The following KIF6 variants were observed in gnomAD, a reference collection of about 807,000 sequenced individuals.
KIF6 encodes kinesin family member 6, also known as kinesin-like protein KIF6.
KIF6 carries 106 observed loss-of-function variants against 112.7 expected under a neutral mutation model. That is an observed-to-expected ratio of 0.94 (90% CI 0.80 to 1.11). The LOEUF (loss-of-function observed/expected upper bound fraction) is 1.11. Ranked by LOEUF, KIF6 falls within the 50% of genes least tolerant of loss-of-function variation. The probability of loss-of-function intolerance (pLI) is 0.00; values close to 1 mark genes in which losing one functional copy is unlikely to be tolerated. For synonymous variants in KIF6, 339 were observed against 339.9 expected (o/e 1.00, Z 0.03); for missense variants, 929 against 964.0 (o/e 0.96, Z 0.48).
At chr6:39,449,458 T>C (rs940178282) in intron 13 of KIF6, among the ~76,000 whole-genome samples, 12 of 152,234 alleles carry the variant, frequency 7.9e-5, no homozygotes, top group Non-Finnish European at 1.0e-4. Context: ...TACTTGCTGC[T>C]TGTTTCACTG....
chr6:39,475,287 A>G lies in KIF6; in HGVS notation c.1646-44126T>C, dbSNP rs544938547. On this transcript the variant is annotated intron_variant, in intron 13 of 22. Transcript: ENST00000287152. ...GACACAATGAACACAGATGTATTAAATCGACTGTTAAATGCTGAACATATG... is the reference window on the plus strand; with the variant it reads ...GACACAATGAACACAGATGTATTAAGTCGACTGTTAAATGCTGAACATATG... Among the ~76,000 whole-genome samples, 12 of 152,320 alleles carry G rather than the reference A, an allele frequency of 7.9e-5. No individual in the cohort carries two copies. The South Asian group carries it at 2.5e-3, about 32-fold the overall frequency.
chr6:39,555,155 T>C (rs931862182), intron 10 of KIF6, among the ~76,000 whole-genome samples: 3 of 152,062 alleles, frequency 2.0e-5, no homozygotes, highest in Non-Finnish European at 4.4e-5. Flanking sequence ...TCCAGCCCCC[T>C]GCACCATGAA....
chr6:39,663,866 C>A (rs967952135), intron 3 of KIF6, among the ~76,000 whole-genome samples: 2 of 151,868 alleles, frequency 1.3e-5, no homozygotes, highest in African/African-American at 4.8e-5. Context: ...GCAGAGATCA[C>A]ATCACATGAG....
At chr6:39,582,755 A>G (rs1781365308) in intron 9 of KIF6, among the ~76,000 whole-genome samples, 1 of 152,150 alleles carries the variant, frequency 6.6e-6, no homozygotes, top group African/African-American at 2.4e-5. Context: ...GCAAATCCTT[A>G]TCGGCTGGCT....
At position 39,395,908 on chromosome 6, in the gene KIF6, T is replaced by C. The variant is rs114156453; in HGVS notation, c.1811-10236A>G. 4.5e-3 allele frequency among the ~76,000 whole-genome samples: 688 copies of C among 152,302 alleles called. 8 individuals carry two copies. Among genetic ancestry groups the C allele is most frequent in the Middle Eastern group, 0.027 (8 of 294 alleles). ...TGAATATAGTTTTAAAAACTTGGAT[T>C]CTAACATGAAAACAGCAAGTTTTAC... On this transcript the variant is annotated intron_variant, in intron 15 of 22. Coordinates refer to ENST00000287152, the MANE Select transcript of KIF6 (RefSeq NM_145027.6).
intron 19 of KIF6, among the ~76,000 whole-genome samples, chr6:39,349,761 G>A (rs1212919055): frequency 4.8e-5 from 7 of 145,302 alleles, no homozygotes; most frequent in East Asian, 4.2e-4. Context: ...TTCTGCCTCC[G>A]CCTCCTGAGT....
intron 2 of KIF6, among the ~76,000 whole-genome samples, chr6:39,718,854 T>G (rs1194516736): frequency 2.0e-5 from 3 of 151,922 alleles, no homozygotes. Context: ...ACCGCCCCAC[T>G]AGGCAACAAT....
chr6:39,471,579 A>G (rs1774120394), intron 13 of KIF6, among the ~76,000 whole-genome samples: 3 of 152,164 alleles, frequency 2.0e-5, no homozygotes, highest in Admixed American at 2.0e-4. Flanking sequence ...CAGGCTGTCT[A>G]CCTAAAGGGT....
At chr6:39,467,621 ACTGAG>A (rs1171548057) in intron 13 of KIF6, among the ~76,000 whole-genome samples, 1 of 152,192 alleles carries the variant, frequency 6.6e-6, no homozygotes, top group Non-Finnish European at 1.5e-5. Context: ...ATTAGACTTC[ACTGAG>A]ATAGTCCATC....
chr6:39,635,101 C>T, intron 4 of KIF6, 143 bp from the exon 5 acceptor site: 1 of 575,440 alleles, frequency 1.7e-6, no homozygotes, highest in Admixed American at 3.4e-5. Flanking sequence ...CAGTTCATGA[C>T]ACTTTCAAGT....
At chr6:39,572,990 T>C (rs1780727614) in intron 10 of KIF6, among the ~76,000 whole-genome samples, 1 of 149,778 alleles carries the variant, frequency 6.7e-6, no homozygotes, top group South Asian at 2.2e-4. Flanking sequence ...ATCTTCAAAC[T>C]GCACAATTCA....
intron 1 of KIF6, 74 bp from the exon 2 acceptor site, chr6:39,720,885 C>CT (rs1790179073): frequency 4.3e-6 from 3 of 701,690 alleles, no homozygotes; most frequent in Non-Finnish European, 7.8e-6. Flanking sequence ...GTTATTATGA[C>CT]TTGTAATGAT....
At chr6:39,593,331 C>T (rs1359646231) in intron 7 of KIF6, among the ~76,000 whole-genome samples, 2 of 152,112 alleles carry the variant, frequency 1.3e-5, no homozygotes, top group Non-Finnish European at 2.9e-5. Context: ...TAAACATCTT[C>T]CCACTCTCTT....
intron 18 of KIF6, among the ~76,000 whole-genome samples, chr6:39,359,454 CAT>C (rs1244792622): frequency 6.6e-6 from 1 of 152,108 alleles, no homozygotes; most frequent in Non-Finnish European, 1.5e-5. Context: ...GAGATTAAAA[CAT>C]ATTTACATGA....
rs571748708 is a variant in KIF6 at position 39,725,181 on chromosome 6, C to A, written c.66+64G>T. 26 of 1,440,384 alleles carry A rather than the reference C, an allele frequency of 1.8e-5. No homozygotes were observed. In the African/African-American group the frequency reaches 2.5e-4, roughly 14 times the overall value. 89.2% of individuals were successfully genotyped at this position (1,440,384 alleles called of 1,614,324 possible). A position where few individuals can be genotyped will look rare whatever the true frequency, so the allele number is the denominator to read the frequency against. ...CACCTCCGCCCAGCCCCTTCGCGTGCCGCCGCCCGACCCCAGCCCAAGAGG... is the reference window on the plus strand; with the variant it reads ...CACCTCCGCCCAGCCCCTTCGCGTGACGCCGCCCGACCCCAGCCCAAGAGG... On this transcript the variant is annotated intron_variant, in intron 1 of 22. Coordinates refer to ENST00000287152, the MANE Select transcript of KIF6 (RefSeq NM_145027.6).
chr6:39,501,101 C>A (rs1462225552), intron 13 of KIF6, among the ~76,000 whole-genome samples: 2 of 152,004 alleles, frequency 1.3e-5, no homozygotes, highest in Non-Finnish European at 1.5e-5. Context: ...AAAAGGGTGA[C>A]GGCTTACTCG....
At chr6:39,559,545 A>C (rs1779901559) in intron 10 of KIF6, among the ~76,000 whole-genome samples, 1 of 152,210 alleles carries the variant, frequency 6.6e-6, no homozygotes. Context: ...TCCTCAGCCC[A>C]CATTATCAGT....
intron 13 of KIF6, among the ~76,000 whole-genome samples, chr6:39,462,737 T>TTTTGTATTTTCCATAGTAG (rs1773554396): frequency 1.3e-5 from 2 of 152,172 alleles, no homozygotes; most frequent in Non-Finnish European, 2.9e-5. Flanking sequence ...CCTTATCATA[T>TTTTGTATTTTCCATAGTAG]TTTGTATTTT....
At chr6:39,362,202 C>T (rs1320019088) in intron 17 of KIF6, among the ~76,000 whole-genome samples, 1 of 152,178 alleles carries the variant, frequency 6.6e-6, no homozygotes, top group African/African-American at 2.4e-5. Context: ...AGTGGACAAG[C>T]CCAGCTGCTT....
Sources: allele counts gnomAD v4.1 joint callset (sites outside exome capture counted in the v4.1 genomes callset), GRCh38; gene constraint gnomAD v4.1.1; transcripts MANE v1.5; gene names NCBI Gene and HGNC (gene_info 2026-07-23, HGNC 2026-07-21).